Variants in AKAP10 observed in about 807,000 individuals in gnomAD.
AKAP10 encodes the protein A-kinase anchoring protein 10, also known as A-kinase anchor protein 10, mitochondrial.
A neutral mutation model predicts 80.8 loss-of-function variants in AKAP10; 24 were observed. The observed-to-expected ratio is 0.30, with a 90% CI of 0.22 to 0.42. The LOEUF (loss-of-function observed/expected upper bound fraction) is 0.42, where lower values mean the gene tolerates loss of function less well. Ranked by LOEUF, AKAP10 falls within the 10% of genes least tolerant of loss-of-function variation. The probability of loss-of-function intolerance (pLI) is 1.00; values close to 1 mark genes in which losing one functional copy is unlikely to be tolerated. For synonymous variants in AKAP10, 291 were observed against 277.7 expected (o/e 1.05, Z -0.48); for missense variants, 661 against 794.9 (o/e 0.83, Z 2.03).
intron 4 of AKAP10, among the ~76,000 whole-genome samples, chr17:19,957,654 A>G (rs145263044): frequency 6.6e-6 from 1 of 152,354 alleles, no homozygotes; most frequent in Non-Finnish European, 1.5e-5. Flanking sequence ...ATTTTTAAAA[A>G]TTTTTTAAAA....
At position 19,937,695 on chromosome 17, in the gene AKAP10, C is replaced by T. The variant is rs145636702; in HGVS notation, c.1323-1265G>A. ...AACATCTATATAACAATGTTTCTTA[C>T]GTAATACCTTCTACAAACATACTGT... On this transcript the variant is annotated intron_variant, in intron 8 of 14. Coordinates refer to ENST00000225737, the MANE Select transcript of AKAP10 (RefSeq NM_007202.4). Among the ~76,000 whole-genome samples the T allele has an allele frequency of 2.7e-3, 416 of 152,234 alleles. 1 individual carries two copies. Among genetic ancestry groups the T allele is most frequent in the African/African-American group, 9.3e-3 (385 of 41,528 alleles).
At chr17:19,918,224 C>CAAAAAAAAAAAAAAA (rs559332326) in intron 12 of AKAP10, among the ~76,000 whole-genome samples, 1 of 86,046 alleles carries the variant, frequency 1.2e-5, no homozygotes, top group Non-Finnish European at 2.5e-5. Flanking sequence ...CCGTCTCAAA[C>CAAAAAAAAAAAAAAA]AAAAAAAAAA....
chr17:19,961,468 G>A (rs1185854920), intron 3 of AKAP10, among the ~76,000 whole-genome samples: 1 of 152,156 alleles, frequency 6.6e-6, no homozygotes, highest in Non-Finnish European at 1.5e-5. Flanking sequence ...TTTACTCTCT[G>A]AGCTATATGC....
chr17:19,943,988 G>GT (rs200796308), intron 5 of AKAP10, among the ~76,000 whole-genome samples: 12,046 of 147,032 alleles, frequency 0.082, 1,148 homozygotes, highest in African/African-American at 0.22. Flanking sequence ...GAGAAACTGA[G>GT]TTTTTTTTTT....
In AKAP10 at chr17:19,905,994, T is replaced by C. The variant is rs887861652; in HGVS notation, c.*233A>G. 1 of 533,144 alleles carries C rather than the reference T, an allele frequency of 1.9e-6. No individual in the cohort carries two copies. The highest frequency in any genetic ancestry group is 1.9e-5 in the African/African-American group (1 of 53,046). The allele number at this position is 533,144 out of a possible 1,614,324, so 33.0% of individuals were successfully genotyped here. ...AATAATTTTCTAGTAATGTAAACAATACCATTTTGTATCTTTAAGACTCTC... is the reference window on the plus strand; with the variant it reads ...AATAATTTTCTAGTAATGTAAACAACACCATTTTGTATCTTTAAGACTCTC... On this transcript the variant is annotated 3_prime_UTR_variant, in exon 15 of 15. Transcript: ENST00000225737.
chr17:19,922,442 C>T (rs919640033), intron 11 of AKAP10, among the ~76,000 whole-genome samples: 3 of 152,062 alleles, frequency 2.0e-5, no homozygotes, highest in African/African-American at 4.8e-5. Flanking sequence ...TTAGTAGAGA[C>T]GGAGTTTCAC....
At chr17:19,942,674 C>T (rs1462827889) in intron 5 of AKAP10, among the ~76,000 whole-genome samples, 1 of 152,050 alleles carries the variant, frequency 6.6e-6, no homozygotes, top group Non-Finnish European at 1.5e-5. Flanking sequence ...TAAGGAACTG[C>T]TAAAATAAAC....
chr17:19,954,688 T>C (rs1597518816), intron 4 of AKAP10, among the ~76,000 whole-genome samples: 2 of 135,272 alleles, frequency 1.5e-5, no homozygotes, highest in Non-Finnish European at 3.2e-5. Context: ...AGAGATGGGG[T>C]TTCACCGCAT....
chr17:19,946,340 A>G (rs1347820854), intron 5 of AKAP10, among the ~76,000 whole-genome samples: 1 of 115,996 alleles, frequency 8.6e-6, no homozygotes, highest in Non-Finnish European at 1.7e-5. Context: ...GTCCCAACCT[A>G]CAGTATGAAA....
intron 10 of AKAP10, among the ~76,000 whole-genome samples, chr17:19,927,342 A>T (rs1465812807): frequency 6.6e-6 from 1 of 151,886 alleles, no homozygotes; most frequent in Non-Finnish European, 1.5e-5. Flanking sequence ...TTAAAAAAAC[A>T]AACAAACAAA....
intron 14 of AKAP10, among the ~76,000 whole-genome samples, chr17:19,908,320 A>T (rs962726207): frequency 1.3e-5 from 2 of 152,156 alleles, no homozygotes; most frequent in African/African-American, 4.8e-5. Flanking sequence ...GTACTCTAGG[A>T]CTAATTTATC....
chr17:19,959,784 T>G (rs539769147), intron 3 of AKAP10, among the ~76,000 whole-genome samples: 3 of 152,312 alleles, frequency 2.0e-5, no homozygotes, highest in African/African-American at 7.2e-5. Context: ...ATTCAAATCA[T>G]TTTTTTGAAG....
intron 1 of AKAP10, among the ~76,000 whole-genome samples, chr17:19,973,630 T>C (rs1052102128): frequency 1.3e-5 from 2 of 152,226 alleles, no homozygotes; most frequent in African/African-American, 2.4e-5. Flanking sequence ...TGGAAGCCTA[T>C]GGCAAAATAA....
intron 1 of AKAP10, among the ~76,000 whole-genome samples, chr17:19,970,721 G>T (rs1200719578): frequency 6.6e-6 from 1 of 152,108 alleles, no homozygotes; most frequent in Non-Finnish European, 1.5e-5. Flanking sequence ...TACTTAGAAG[G>T]CTGAGGCAGA....
At chr17:19,966,578 C>T (rs1387915458) in intron 2 of AKAP10, among the ~76,000 whole-genome samples, 5 of 152,210 alleles carry the variant, frequency 3.3e-5, no homozygotes, top group Non-Finnish European at 5.9e-5. Context: ...GTTTCTTGTA[C>T]TGCTTCTGTA....
chr17:19,946,270 TATA>T (rs2043126881), intron 5 of AKAP10, among the ~76,000 whole-genome samples: 21 of 31,364 alleles, frequency 6.7e-4, no homozygotes, highest in Middle Eastern at 0.019. Flanking sequence ...TATATATATA[TATA>T]TATTTTTTTT....
intron 3 of AKAP10, among the ~76,000 whole-genome samples, chr17:19,961,710 T>C (rs1936911621): frequency 6.6e-6 from 1 of 152,216 alleles, no homozygotes; most frequent in Non-Finnish European, 1.5e-5. Flanking sequence ...TATGTTTTTG[T>C]TTTGGAAGAA....
intron 12 of AKAP10, among the ~76,000 whole-genome samples, chr17:19,911,565 G>A (rs1382835048): frequency 6.6e-5 from 10 of 152,026 alleles, no homozygotes; most frequent in African/African-American, 2.2e-4. Flanking sequence ...TGGGCTGGGC[G>A]CGGTGGCTCA....
intron 9 of AKAP10, among the ~76,000 whole-genome samples, chr17:19,935,106 A>AT (rs1204381274): frequency 6.6e-6 from 1 of 152,148 alleles, no homozygotes; most frequent in Non-Finnish European, 1.5e-5. Context: ...ACAAACCTAG[A>AT]TGGTATGGCC....
Sources: gnomAD v4.1 joint callset for allele counts (sites outside exome capture counted in the v4.1 genomes callset) on GRCh38, gnomAD v4.1.1 for gene constraint, MANE v1.5 for transcripts, NCBI Gene and HGNC (gene_info 2026-07-23, HGNC 2026-07-21) for gene names.